FAM171A1: variants seen among roughly 807,000 people sequenced by gnomAD.
The protein encoded by FAM171A1 is family with sequence similarity 171 member A1.
A neutral mutation model predicts 74.9 loss-of-function variants in FAM171A1; 23 were observed. The observed-to-expected ratio is 0.31, with a 90% CI of 0.22 to 0.44. The LOEUF (loss-of-function observed/expected upper bound fraction) is 0.44. Ranked by LOEUF, FAM171A1 falls within the 20% of genes least tolerant of loss-of-function variation. The pLI is 1.00. For missense variants in FAM171A1, 1,162 were observed against 1,159.2 expected, an observed-to-expected ratio of 1.00 and a Z score of -0.03; for synonymous variants, 527 against 505.7, an observed-to-expected ratio of 1.04 and a Z score of -0.57.
At chr10:15,294,371 G>C (rs1355715396) in intron 1 of FAM171A1, among the ~76,000 whole-genome samples, 1 of 152,168 alleles carries the variant, frequency 6.6e-6, no homozygotes, top group East Asian at 1.9e-4. Flanking sequence ...GCCTGCCCAA[G>C]GTCGTGGACC....
intron 1 of FAM171A1, among the ~76,000 whole-genome samples, chr10:15,305,918 G>A (rs1407305573): frequency 6.6e-6 from 1 of 152,250 alleles, no homozygotes; most frequent in African/African-American, 2.4e-5. Flanking sequence ...GAAGACTAAC[G>A]CCAAACTTCA....
At chr10:15,295,578 T>C (rs145004206) in intron 1 of FAM171A1, among the ~76,000 whole-genome samples, 2,011 of 152,362 alleles carry the variant, frequency 0.013, 21 homozygotes, top group Admixed American at 0.02. Flanking sequence ...CCGCTTTTCA[T>C]TCCCTTTTCT....
In FAM171A1 at chr10:15,330,756, C is replaced by CA. The variant is rs374385104; in HGVS notation, c.97+40199dup. ...TTTTTGAGATGGAGCCTCACTCTGTCACCCAGGCTGGAGTGCAGTGGCACA... is the reference window on the plus strand; with the variant it reads ...TTTTTGAGATGGAGCCTCACTCTGTCAACCCAGGCTGGAGTGCAGTGGCACA... On this transcript the variant is annotated intron_variant, in intron 1 of 7. Coordinates refer to ENST00000378116, the MANE Select transcript of FAM171A1 (RefSeq NM_001010924.2). Among the ~76,000 whole-genome samples, 704 of 126,988 alleles carry CA rather than the reference C, an allele frequency of 5.5e-3. 6 individuals carry two copies. The highest frequency in any genetic ancestry group is 0.019 in the African/African-American group (655 of 33,962). The allele number at this position is 126,988 out of a possible 152,430, so 83.3% of individuals were successfully genotyped here. A position where few individuals can be genotyped will look rare whatever the true frequency, so the allele number is the denominator to read the frequency against.
Position 15,213,197 on chromosome 10 carries a change from ACT to A in FAM171A1, c.2389_2390del (p.Ser797TrpfsTer2). 1 of 1,612,318 alleles carries A rather than the reference ACT, an allele frequency of 6.2e-7. No individual in the cohort carries two copies. Among genetic ancestry groups the A allele is most frequent in the Non-Finnish European group, 8.5e-7 (1 of 1,179,590 alleles). ...AGACCGTGGTCCCACATTCGCTACC[ACT>A]CTGTTCCACGTCATCCAGGTACACG... ...QLVYLDDVEQ[S>X]GSECGTTVCT... is the part of the protein sequence containing the mutation. On this transcript the variant is annotated frameshift_variant, in exon 8 of 8. Coordinates refer to ENST00000378116, the MANE Select transcript of FAM171A1 (RefSeq NM_001010924.2). LOFTEE classifies it high-confidence loss of function. This position sits in a 1 kb window ranked among gnomAD's most constrained non-coding sequence, Gnocchi z 6.8.
Position 15,213,438 on chromosome 10 carries a change from T to C in FAM171A1, c.2150A>G (p.Asn717Ser). 1 of 1,614,198 alleles carries C rather than the reference T, an allele frequency of 6.2e-7. No homozygotes were observed. The highest frequency in any genetic ancestry group is 8.5e-7 in the Non-Finnish European group (1 of 1,180,044). ...AATGTATGAATGTCTAACGTGAGCG[T>C]TGGACCTGCCATCCAAGGAGACGAA... ...AWFVSLDGRS[N>S]AHVRHSYIDL... The change falls in exon 8 of 8, where the codon AAC (asparagine) becomes AGC (serine). Residue 717 changes from asparagine (N) to serine (S), a missense_variant. By Grantham distance (46) the Asn-to-Ser change is conservative. Transcript: ENST00000378116. This position sits in a 1 kb window ranked among gnomAD's most constrained non-coding sequence, Gnocchi z 6.8.
intron 1 of FAM171A1, among the ~76,000 whole-genome samples, chr10:15,364,942 A>G (rs1836040782): frequency 6.6e-6 from 1 of 152,124 alleles, no homozygotes; most frequent in African/African-American, 2.4e-5. Flanking sequence ...ATTCAGACTA[A>G]TCTTCCCATC....
chr10:15,347,770 T>C (rs986582449), intron 1 of FAM171A1, among the ~76,000 whole-genome samples: 5 of 139,742 alleles, frequency 3.6e-5, no homozygotes, highest in African/African-American at 1.1e-4. Flanking sequence ...AGGAGGCAGA[T>C]GTTGCAGTAA....
At chr10:15,264,836 T>C (rs766506483) in intron 3 of FAM171A1, among the ~76,000 whole-genome samples, 25 of 149,190 alleles carry the variant, frequency 1.7e-4, no homozygotes, top group Non-Finnish European at 3.3e-4. Flanking sequence ...ACTATTTATT[T>C]ATCTACATGG....
intron 5 of FAM171A1, among the ~76,000 whole-genome samples, chr10:15,223,014 A>G (rs917654234): frequency 3.3e-5 from 5 of 152,192 alleles, no homozygotes; most frequent in African/African-American, 9.6e-5. Flanking sequence ...ACTATTGTAC[A>G]AGGGGAGCGA....
At chr10:15,323,177 G>A (rs1365669195) in intron 1 of FAM171A1, among the ~76,000 whole-genome samples, 3 of 151,416 alleles carry the variant, frequency 2.0e-5, no homozygotes, top group Non-Finnish European at 2.9e-5. Context: ...TTACAGGGCC[G>A]GGTGTGGTGG....
intron 3 of FAM171A1, among the ~76,000 whole-genome samples, chr10:15,274,554 C>T (rs1358142349): frequency 6.6e-6 from 1 of 152,118 alleles, no homozygotes; most frequent in Non-Finnish European, 1.5e-5. Context: ...TCATATGGAA[C>T]CAAAAAAGAG....
chr10:15,271,495 C>G (rs1326722252), intron 3 of FAM171A1, among the ~76,000 whole-genome samples: 1 of 152,138 alleles, frequency 6.6e-6, no homozygotes, highest in African/African-American at 2.4e-5. Context: ...CCCAACCTAG[C>G]AAGGCAGGCC....
chr10:15,251,596 T>C (rs2131762734), intron 4 of FAM171A1, among the ~76,000 whole-genome samples: 1 of 151,918 alleles, frequency 6.6e-6, no homozygotes, highest in African/African-American at 2.4e-5. Flanking sequence ...TTTGTATTTT[T>C]AGTAGAGATG....
chr10:15,224,416 G>A (rs1041442119), intron 5 of FAM171A1, among the ~76,000 whole-genome samples: 24 of 152,162 alleles, frequency 1.6e-4, no homozygotes, highest in Non-Finnish European at 3.1e-4. Context: ...GGAGGACATG[G>A]GGGACCTGGA....
At chr10:15,340,761 A>T (rs902939631) in intron 1 of FAM171A1, among the ~76,000 whole-genome samples, 2 of 152,204 alleles carry the variant, frequency 1.3e-5, no homozygotes, top group Non-Finnish European at 1.5e-5. Flanking sequence ...GTATTTGGAT[A>T]CTGAGAGCAC....
At chr10:15,342,743 A>T (rs1180225222) in intron 1 of FAM171A1, among the ~76,000 whole-genome samples, 1 of 152,242 alleles carries the variant, frequency 6.6e-6, no homozygotes. Context: ...AGTGACAAAG[A>T]GAAAATAGAC....
chr10:15,245,233 T>G (rs1834417373), intron 5 of FAM171A1, among the ~76,000 whole-genome samples: 6 of 151,988 alleles, frequency 3.9e-5, no homozygotes. Flanking sequence ...GCCCAGCTAA[T>G]TTTTTGTATT....
At chr10:15,329,543 A>G (rs747619759) in intron 1 of FAM171A1, among the ~76,000 whole-genome samples, 1 of 151,536 alleles carries the variant, frequency 6.6e-6, no homozygotes, top group Non-Finnish European at 1.5e-5. Context: ...GGAGGATCCC[A>G]TGAGCCCAGG....
Position 15,235,301 on chromosome 10 carries a change from C to CAAA in FAM171A1, c.754+13335_754+13337dup, listed in dbSNP as rs1193195866. On this transcript the variant is annotated intron_variant, in intron 5 of 7. Coordinates refer to ENST00000378116, the MANE Select transcript of FAM171A1 (RefSeq NM_001010924.2). ...TGGGAGACAGAGCGAGACTCTGTCT[C>CAAA]AAAAAAAAAAAAAAAAAAAAAAAAA... Among the ~76,000 whole-genome samples, 56 of 44,556 alleles carry CAAA rather than the reference C, an allele frequency of 1.3e-3. 1 individual carries two copies. Among genetic ancestry groups the CAAA allele is most frequent in the Admixed American group, 3.7e-3 (10 of 2,724 alleles). The allele number at this position is 44,556 out of a possible 152,430, so 29.2% of individuals were successfully genotyped here. A position where few individuals can be genotyped will look rare whatever the true frequency, so the allele number is the denominator to read the frequency against.
Sources: gnomAD v4.1 joint callset for allele counts (sites outside exome capture counted in the v4.1 genomes callset) on GRCh38, gnomAD v4.1.1 for gene constraint, Gnocchi (gnomAD v3.1) non-coding constraint, MANE v1.5 for transcripts, NCBI Gene and HGNC (gene_info 2026-07-23, HGNC 2026-07-21) for gene names.